NAV3: variants seen among roughly 807,000 people sequenced by gnomAD.
NAV3 encodes neuron navigator 3.
In NAV3, 87 loss-of-function variants were observed where a neutral mutation model predicts 244.7. That is an observed-to-expected ratio of 0.36 (90% CI 0.30 to 0.42). The LOEUF (loss-of-function observed/expected upper bound fraction) is 0.42, where lower values mean the gene tolerates loss of function less well. NAV3 is among the 20% of genes least tolerant of loss of function. The pLI is 1.00. For missense variants in NAV3, 2,663 were observed against 2,893.3 expected (o/e 0.92, Z 1.83); for synonymous variants, 1,126 against 1,042.2 (o/e 1.08, Z -1.55).
chr12:77,657,481 A>C (rs1873177426), intron 2 of NAV3, among the ~76,000 whole-genome samples: 1 of 152,204 alleles, frequency 6.6e-6, no homozygotes, highest in East Asian at 1.9e-4. Flanking sequence ...TACCCACCAA[A>C]AAGAGTCCAG....
chr12:77,858,508 G>T (rs1349602559), intron 1 of NAV3, among the ~76,000 whole-genome samples: 2 of 152,054 alleles, frequency 1.3e-5, no homozygotes, highest in Non-Finnish European at 2.9e-5. Context: ...GTTTAATAGA[G>T]ATTTACCAGA....
At chr12:78,124,185 T>C (rs529233973) in intron 16 of NAV3, among the ~76,000 whole-genome samples, 1 of 152,164 alleles carries the variant, frequency 6.6e-6, no homozygotes, top group Non-Finnish European at 1.5e-5. Context: ...TAGACATTAA[T>C]CCAAGATTCA....
At chr12:77,958,501 TG>T (rs781582100) in intron 3 of NAV3, among the ~76,000 whole-genome samples, 3 of 152,176 alleles carry the variant, frequency 2.0e-5, no homozygotes, top group Non-Finnish European at 4.4e-5. Flanking sequence ...CTATTACATT[TG>T]TTTAGTTTCT....
At chr12:77,633,917 A>G (rs78691397) in intron 2 of NAV3, among the ~76,000 whole-genome samples, 3,777 of 152,322 alleles carry the variant, frequency 0.025, 59 homozygotes, top group Middle Eastern at 0.082. Flanking sequence ...ATGTTAGAAT[A>G]TAAAATGTGT....
In NAV3 at chr12:77,593,055, C is replaced by T. The variant is rs533909611; in HGVS notation, c.72+20789C>T. Among the ~76,000 whole-genome samples, 7 of 152,152 alleles carry T rather than the reference C, an allele frequency of 4.6e-5. No homozygotes were observed. In the South Asian group the frequency reaches 6.2e-4, roughly 14 times the overall value. On this transcript the variant is annotated intron_variant, in intron 2 of 8. Transcript: ENST00000550042. ...AGTTAAAGGGCTTGGTGCTGTGCCA[C>T]GCAAACAACCCTGCTTTTTTCCAGC... is the stretch of plus-strand genomic sequence containing the variant.
intron 18 of NAV3, among the ~76,000 whole-genome samples, chr12:78,131,609 TC>T (rs1301286259): frequency 5.3e-5 from 8 of 152,172 alleles, no homozygotes; most frequent in African/African-American, 1.7e-4. Flanking sequence ...GTTGACTCCT[TC>T]TTCTATTTTT....
At chr12:77,627,921 C>T (rs537728139) in intron 2 of NAV3, among the ~76,000 whole-genome samples, 14 of 151,956 alleles carry the variant, frequency 9.2e-5, no homozygotes, top group African/African-American at 1.7e-4. Flanking sequence ...AGAGCAGAAA[C>T]GAAAATATCA....
chr12:77,806,810 T>C (rs1202711189), intron 2 of NAV3, among the ~76,000 whole-genome samples: 1 of 152,230 alleles, frequency 6.6e-6, no homozygotes, highest in East Asian at 1.9e-4. Flanking sequence ...TAAGTCTCTT[T>C]GTACATCTCT....
At chr12:77,933,660 CAATAT>C (rs1452183291) in intron 1 of NAV3, among the ~76,000 whole-genome samples, 1 of 152,064 alleles carries the variant, frequency 6.6e-6, no homozygotes, top group Non-Finnish European at 1.5e-5. Flanking sequence ...TATATTGTGA[CAATAT>C]GATGTTACCC....
chr12:77,993,296 T>C (rs902328436), intron 5 of NAV3, among the ~76,000 whole-genome samples: 3 of 152,214 alleles, frequency 2.0e-5, no homozygotes, highest in Admixed American at 6.5e-5. Context: ...TGGTAAACAG[T>C]TCTCTTACTC....
intron 2 of NAV3, among the ~76,000 whole-genome samples, chr12:77,649,447 C>T (rs1335959848): frequency 1.3e-5 from 2 of 151,998 alleles, no homozygotes; most frequent in East Asian, 3.9e-4. Context: ...CTTAATTTAT[C>T]TTGTTTAATT....
At chr12:77,941,711 C>T (rs906437462) in intron 3 of NAV3, among the ~76,000 whole-genome samples, 11 of 152,074 alleles carry the variant, frequency 7.2e-5, no homozygotes, top group African/African-American at 2.4e-4. Context: ...ATAAAAACTT[C>T]AAGTTTTATA....
At chr12:77,866,968 A>T (rs1880138625) in intron 1 of NAV3, among the ~76,000 whole-genome samples, 2 of 152,232 alleles carry the variant, frequency 1.3e-5, no homozygotes, top group Admixed American at 6.5e-5. Flanking sequence ...AAAGGCTCCA[A>T]GCATGACAAG....
intron 2 of NAV3, among the ~76,000 whole-genome samples, chr12:77,751,726 TC>T: frequency 6.6e-6 from 1 of 152,290 alleles, no homozygotes; most frequent in East Asian, 1.9e-4. Flanking sequence ...CATACATTGT[TC>T]CTTTATAATC....
At chr12:77,949,325 T>A (rs1890657403) in intron 3 of NAV3, among the ~76,000 whole-genome samples, 1 of 152,092 alleles carries the variant, frequency 6.6e-6, no homozygotes. Flanking sequence ...ATAATGGAAC[T>A]GCGTCTCATT....
intron 2 of NAV3, among the ~76,000 whole-genome samples, chr12:77,766,258 T>G (rs1565804923): frequency 6.6e-6 from 1 of 152,198 alleles, no homozygotes; most frequent in African/African-American, 2.4e-5. Flanking sequence ...TATAATTACT[T>G]TAAAAGAAGG....
At chr12:78,018,011 A>G (rs1328188050) in intron 8 of NAV3, among the ~76,000 whole-genome samples, 1 of 152,170 alleles carries the variant, frequency 6.6e-6, no homozygotes, top group African/African-American at 2.4e-5. Flanking sequence ...TGTGAATATA[A>G]AGCAAGGATG....
At chr12:77,949,925 T>C (rs1478988647) in intron 3 of NAV3, among the ~76,000 whole-genome samples, 1 of 152,124 alleles carries the variant, frequency 6.6e-6, no homozygotes, top group Admixed American at 6.6e-5. Context: ...GCATGTAGAC[T>C]TTTCAGGTTG....
chr12:77,896,343 T>G (rs1399090912), intron 1 of NAV3, among the ~76,000 whole-genome samples: 2 of 152,222 alleles, frequency 1.3e-5, no homozygotes, highest in African/African-American at 4.8e-5. Flanking sequence ...CTCTTAATTC[T>G]GATCCTCTGT....
Sources: allele counts gnomAD v4.1 joint callset (sites outside exome capture counted in the v4.1 genomes callset), GRCh38; gene constraint gnomAD v4.1.1; transcripts MANE v1.5; gene names NCBI Gene and HGNC (gene_info 2026-07-23, HGNC 2026-07-21).